THADA: variants seen among roughly 807,000 people sequenced by gnomAD.
THADA encodes the protein tRNA (32-2'-O)-methyltransferase regulator THADA.
THADA carries 213 observed loss-of-function variants against 219.8 expected under a neutral mutation model. That is an observed-to-expected ratio of 0.97 (90% CI 0.87 to 1.09). The LOEUF (loss-of-function observed/expected upper bound fraction) is 1.09, where lower values mean the gene tolerates loss of function less well. Ranked by LOEUF, THADA falls within the 50% of genes least tolerant of loss-of-function variation. THADA has a pLI of 0.00. For synonymous variants in THADA, 1,018 were observed against 828.9 expected, an observed-to-expected ratio of 1.23 and a Z score of -3.92; for missense variants, 2,956 against 2,311.3, an observed-to-expected ratio of 1.28 and a Z score of -5.72.
chr2:43,569,130 C>A (rs1465673851), intron 14 of THADA, among the ~76,000 whole-genome samples: 2 of 152,056 alleles, frequency 1.3e-5, no homozygotes, highest in African/African-American at 4.8e-5. Flanking sequence ...CACCACCACG[C>A]CCGTCTCAGG....
intron 26 of THADA, among the ~76,000 whole-genome samples, chr2:43,435,781 C>CAAAAAAAAAA (rs542080356): frequency 1.9e-5 from 1 of 53,790 alleles, no homozygotes; most frequent in African/African-American, 6.7e-5. Context: ...AACTTGCCAC[C>CAAAAAAAAAA]AAAAAAAAAA....
At chr2:43,432,249 C>T (rs980707532) in intron 26 of THADA, among the ~76,000 whole-genome samples, 20 of 152,162 alleles carry the variant, frequency 1.3e-4, no homozygotes, top group African/African-American at 3.4e-4. Flanking sequence ...CTCAGCCTCC[C>T]AAAGTTCTGG....
chr2:43,376,326 C>T (rs537090201), intron 29 of THADA, among the ~76,000 whole-genome samples: 1 of 152,262 alleles, frequency 6.6e-6, no homozygotes, highest in South Asian at 2.1e-4. Flanking sequence ...AACAGAGAAC[C>T]ATCTGCTCTT....
At chr2:43,500,980 G>C (rs571069452) in intron 24 of THADA, among the ~76,000 whole-genome samples, 2 of 151,598 alleles carry the variant, frequency 1.3e-5, no homozygotes, top group African/African-American at 4.8e-5. Context: ...CAAAAAAAAA[G>C]ACATTAGAAA....
intron 30 of THADA, among the ~76,000 whole-genome samples, chr2:43,338,946 G>A (rs777955680): frequency 8.6e-5 from 13 of 152,026 alleles, no homozygotes; most frequent in Non-Finnish European, 1.6e-4. Flanking sequence ...CACAGTAGCT[G>A]TATCACAAAG....
chr2:43,520,747 T>C (rs1033790370), intron 22 of THADA, among the ~76,000 whole-genome samples: 25 of 148,008 alleles, frequency 1.7e-4, no homozygotes, highest in African/African-American at 5.2e-4. Flanking sequence ...CACACACATA[T>C]ATATCAACAA....
chr2:43,304,666 A>G (rs548655984), intron 31 of THADA, among the ~76,000 whole-genome samples: 35 of 148,600 alleles, frequency 2.4e-4, no homozygotes, highest in African/African-American at 8.2e-4. Context: ...AATACAGAGC[A>G]GACTTCATTT....
In THADA at chr2:43,291,769, C is replaced by T. The variant is rs1674756490; in HGVS notation, c.4938-1G>A. On this transcript the variant is annotated splice_acceptor_variant, in intron 33 of 37. Transcript: ENST00000405975. LOFTEE classifies it high-confidence loss of function. ...CAGAGCTACACTCTGAATTTCAGAT[C>T]TAGAAAAATAAACAAACAAAAAAAC... 6.5e-7 allele frequency: 1 copy of T among 1,542,696 alleles called. No homozygotes were observed. Among genetic ancestry groups the T allele is most frequent in the Non-Finnish European group, 8.8e-7 (1 of 1,142,494 alleles).
At chr2:43,360,902 T>C (rs1022104391) in intron 29 of THADA, among the ~76,000 whole-genome samples, 7 of 152,250 alleles carry the variant, frequency 4.6e-5, no homozygotes, top group African/African-American at 1.7e-4. Flanking sequence ...ACTAGACTGA[T>C]ACTTTAATCC....
intron 31 of THADA, among the ~76,000 whole-genome samples, chr2:43,308,506 A>G (rs916288657): frequency 3.9e-5 from 6 of 152,014 alleles, no homozygotes; most frequent in Admixed American, 2.0e-4. Context: ...GGAATTCAAA[A>G]CCAATCTGGG....
At chr2:43,270,665 T>C (rs1672017785) in intron 36 of THADA, among the ~76,000 whole-genome samples, 1 of 152,156 alleles carries the variant, frequency 6.6e-6, no homozygotes, top group South Asian at 2.1e-4. Flanking sequence ...GCCCATTCCT[T>C]CAACTCTCTG....
At chr2:43,283,938 G>T (rs1405207358) in intron 35 of THADA, among the ~76,000 whole-genome samples, 4 of 152,194 alleles carry the variant, frequency 2.6e-5, no homozygotes, top group African/African-American at 7.2e-5. Flanking sequence ...CAGCACTTTG[G>T]GAGGCTGAGA....
chr2:43,310,892 C>T (rs1261763497), intron 31 of THADA, among the ~76,000 whole-genome samples: 7 of 152,184 alleles, frequency 4.6e-5, no homozygotes, highest in Admixed American at 4.6e-4. Flanking sequence ...AGAGAAATAA[C>T]TCGGCTGGGC....
At chr2:43,536,390 G>A (rs6717153) in intron 21 of THADA, among the ~76,000 whole-genome samples, 60,915 of 151,772 alleles carry the variant, frequency 0.4, 13,532 homozygotes, top group African/African-American at 0.58. Context: ...GTTACCTCCA[G>A]CAAAATAATT....
chr2:43,264,665 C>A (rs575688930), intron 36 of THADA, among the ~76,000 whole-genome samples: 1 of 151,890 alleles, frequency 6.6e-6, no homozygotes, highest in Non-Finnish European at 1.5e-5. Flanking sequence ...CTGTTTGTAG[C>A]CAAGGTGGAA....
In THADA at chr2:43,593,014, C is replaced by A. The variant is rs955256447; in HGVS notation, c.-24-598G>T. 32 of 152,242 alleles carry A rather than the reference C, an allele frequency of 2.1e-4. 1 individual carries two copies. The highest frequency in any genetic ancestry group is 7.3e-5 in the Non-Finnish European group (5 of 68,074). The allele number at this position is 152,242 out of a possible 1,614,324, so 9.4% of individuals were successfully genotyped here. On this transcript the variant is annotated intron_variant, in intron 1 of 37. Transcript: ENST00000405975. ...CCAACTCAGAGACTACACAACTACA[C>A]ACTAATAGTACCATGCCATCTGGAA...
intron 1 of THADA, 171 bp downstream of exon 1, chr2:43,595,760 G>T (rs1702085511): frequency 6.6e-6 from 1 of 152,358 alleles, no homozygotes; most frequent in Non-Finnish European, 1.5e-5. Flanking sequence ...GGAGAAAGTG[G>T]TTAAAGTGCT....
At chr2:43,362,734 AT>A (rs1324619728) in intron 29 of THADA, among the ~76,000 whole-genome samples, 6 of 152,168 alleles carry the variant, frequency 3.9e-5, no homozygotes, top group Non-Finnish European at 8.8e-5. Flanking sequence ...TTGCTCTAAC[AT>A]TTTTACCTTA....
intron 36 of THADA, among the ~76,000 whole-genome samples, chr2:43,259,405 G>A (rs1670686827): frequency 2.0e-5 from 3 of 152,214 alleles, no homozygotes; most frequent in South Asian, 2.1e-4. Flanking sequence ...ATGATTGTCC[G>A]CTCCCTGCCA....
Sources: allele counts gnomAD v4.1 joint callset (sites outside exome capture counted in the v4.1 genomes callset), GRCh38; gene constraint gnomAD v4.1.1; transcripts MANE v1.5; gene names NCBI Gene and HGNC (gene_info 2026-07-23, HGNC 2026-07-21).